PDE10A: variants seen among roughly 807,000 people sequenced by gnomAD.
PDE10A encodes cAMP and cAMP-inhibited cGMP 3',5'-cyclic phosphodiesterase 10A.
PDE10A carries 39 observed loss-of-function variants against 97.7 expected under a neutral mutation model. The observed-to-expected ratio is 0.40, with a 90% CI of 0.31 to 0.52. The LOEUF (loss-of-function observed/expected upper bound fraction) is 0.52, where lower values mean the gene tolerates loss of function less well. PDE10A is among the 20% of genes least tolerant of loss of function. PDE10A has a pLI of 0.56. For missense variants in PDE10A, 731 were observed against 1,047.8 expected, an observed-to-expected ratio of 0.70 and a Z score of 4.17; for synonymous variants, 371 against 376.8, an observed-to-expected ratio of 0.98 and a Z score of 0.18.
At chr6:165,393,557 C>G (rs1208173211) in intron 15 of PDE10A, among the ~76,000 whole-genome samples, 1 of 151,822 alleles carries the variant, frequency 6.6e-6, no homozygotes, top group Non-Finnish European at 1.5e-5. Flanking sequence ...CTGTGTTTTT[C>G]TCCACTGAAA....
chr6:165,752,782 T>A (rs558741979), intron 1 of PDE10A, among the ~76,000 whole-genome samples: 2 of 152,242 alleles, frequency 1.3e-5, no homozygotes, highest in East Asian at 3.9e-4. Flanking sequence ...TAGATTAGAA[T>A]CCCTAAGGGA....
rs1291720383 is a variant in PDE10A at position 165,479,738 on chromosome 6, C to CT, written c.1023+2576dup. ...TTGCTCACCATTGTATCCACAGCAC[C>CT]TTAGAACAATGCCTAAAACAGAAAT... On this transcript the variant is annotated intron_variant, in intron 3 of 21. Transcript: ENST00000539869. Among the ~76,000 whole-genome samples the CT allele has an allele frequency of 1.1e-4, 17 of 152,104 alleles. 1 individual carries two copies. The highest frequency in any genetic ancestry group is 1.1e-3 in the Admixed American group (17 of 15,260).
At chr6:165,841,813 T>C (rs1780269144) in intron 1 of PDE10A, among the ~76,000 whole-genome samples, 1 of 152,226 alleles carries the variant, frequency 6.6e-6, no homozygotes. Context: ...GACTGCTCTC[T>C]AGCTTCTCTG....
intron 1 of PDE10A, among the ~76,000 whole-genome samples, chr6:165,668,333 G>C (rs1246665001): frequency 6.6e-6 from 1 of 152,134 alleles, no homozygotes. Context: ...TACAAGTCTC[G>C]CAAGGGCTGC....
chr6:165,607,686 A>G (rs752532682), intron 1 of PDE10A, among the ~76,000 whole-genome samples: 2 of 152,234 alleles, frequency 1.3e-5, no homozygotes, highest in Non-Finnish European at 2.9e-5. Flanking sequence ...TGCAGCGTGA[A>G]TAGAGTTTCA....
At chr6:165,841,707 C>T (rs1780266730) in intron 1 of PDE10A, among the ~76,000 whole-genome samples, 1 of 152,204 alleles carries the variant, frequency 6.6e-6, no homozygotes, top group Non-Finnish European at 1.5e-5. Context: ...GGGAGAAGTC[C>T]ACTGTGACAG....
chr6:165,428,768 A>G, intron 9 of PDE10A, 59 bp from the exon 10 acceptor site: 1 of 632,724 alleles, frequency 1.6e-6, no homozygotes, highest in South Asian at 2.1e-5. Flanking sequence ...TACATATTAC[A>G]CTTTGAATTC....
At chr6:165,443,395 G>T (rs1244307077) in intron 5 of PDE10A, among the ~76,000 whole-genome samples, 1 of 152,182 alleles carries the variant, frequency 6.6e-6, no homozygotes, top group African/African-American at 2.4e-5. Flanking sequence ...CTGATGCAAG[G>T]GGTGGGCTCC....
chr6:165,376,160 G>A (rs1194314176), intron 18 of PDE10A, among the ~76,000 whole-genome samples: 1 of 152,208 alleles, frequency 6.6e-6, no homozygotes, highest in Non-Finnish European at 1.5e-5. Flanking sequence ...TGTGGGAAAG[G>A]TGAATTGAAA....
intron 1 of PDE10A, among the ~76,000 whole-genome samples, chr6:165,928,831 C>T (rs941144952): frequency 6.6e-6 from 1 of 152,262 alleles, no homozygotes; most frequent in Admixed American, 6.5e-5. Context: ...TGCTCAGCCC[C>T]GACTCCACTG....
At chr6:165,619,314 CTAGTGTGGTGTAGTG>C (rs1787923009) in intron 1 of PDE10A, among the ~76,000 whole-genome samples, 2 of 130,166 alleles carry the variant, frequency 1.5e-5, no homozygotes, top group Non-Finnish European at 3.1e-5. Flanking sequence ...GTAGTGTAGT[CTAGTGTGGTGTAGTG>C]TAGTGTAGTG....
At chr6:165,949,486 G>C (rs1488912389) in intron 1 of PDE10A, 1 of 151,476 alleles carries the variant, frequency 6.6e-6, no homozygotes, top group Non-Finnish European at 1.5e-5. Context: ...CAACACATCG[G>C]ATGATGACTG....
At chr6:165,831,055 T>G (rs1414822605) in intron 1 of PDE10A, among the ~76,000 whole-genome samples, 3 of 152,044 alleles carry the variant, frequency 2.0e-5, no homozygotes, top group Non-Finnish European at 4.4e-5. Flanking sequence ...AACAGAGTCC[T>G]CTCCCTCAAC....
At chr6:165,744,424 T>C (rs1331620361) in intron 1 of PDE10A, among the ~76,000 whole-genome samples, 1 of 152,202 alleles carries the variant, frequency 6.6e-6, no homozygotes, top group African/African-American at 2.4e-5. Context: ...ATACCTTTCA[T>C]GTTTAATTCT....
rs1268145518 is a variant in PDE10A at position 165,772,870 on chromosome 6, C to G, written c.-615+214659G>C. 2.0e-5 allele frequency among the ~76,000 whole-genome samples: 3 copies of G among 152,186 alleles called. No homozygotes were observed. In the East Asian group the frequency reaches 5.8e-4, roughly 29 times the overall value. ...GGAAATGGACTAACAGCCTCCACTC[C>G]CTGCAAAATGCAGAGACTCCTGGCT... On this transcript the variant is annotated intron_variant, in intron 1 of 19. Coordinates refer to the PDE10A transcript ENST00000366882.
chr6:165,573,806 A>G (rs906282035), intron 1 of PDE10A, among the ~76,000 whole-genome samples: 6 of 152,312 alleles, frequency 3.9e-5, no homozygotes, highest in African/African-American at 1.4e-4. Context: ...TCAAACAAAG[A>G]GTCTTTTCCC....
At chr6:165,622,354 T>C (rs1199473036) in intron 1 of PDE10A, among the ~76,000 whole-genome samples, 1 of 152,078 alleles carries the variant, frequency 6.6e-6, no homozygotes, top group African/African-American at 2.4e-5. Flanking sequence ...GCTAGTTGGT[T>C]TCATTGTTGT....
chr6:165,793,123 C>G (rs1399861098), intron 1 of PDE10A, among the ~76,000 whole-genome samples: 1 of 152,128 alleles, frequency 6.6e-6, no homozygotes, highest in Non-Finnish European at 1.5e-5. Flanking sequence ...AAGACTGTCT[C>G]AGGCCAAGCA....
rs1427461734 is a variant in PDE10A, at chr6:165,661,156, T to A, written c.865+791A>T. The A allele has an allele frequency of 1.3e-5, 2 of 152,550 alleles. No individual in the cohort carries two copies. The highest frequency in any genetic ancestry group is 4.8e-5 in the African/African-American group (2 of 41,424). 9.4% of individuals were successfully genotyped at this position (152,550 alleles called of 1,614,324 possible). A position where few individuals can be genotyped will look rare whatever the true frequency, so the allele number is the denominator to read the frequency against. ...GCGCTCTCGGCCCCGCGCCCGCGGG[T>A]GGCGAGGAGGAGTGGCCACGCCACA... On this transcript the variant is annotated intron_variant, in intron 1 of 21. Coordinates refer to ENST00000539869, the MANE Select transcript of PDE10A (RefSeq NM_001385079.1). This position sits in a 1 kb window ranked among gnomAD's most constrained non-coding sequence, Gnocchi z 4.8.
Sources: allele counts gnomAD v4.1 joint callset (sites outside exome capture counted in the v4.1 genomes callset), GRCh38; gene constraint gnomAD v4.1.1; non-coding constraint Gnocchi (gnomAD v3.1); transcripts MANE v1.5; gene names NCBI Gene and HGNC (gene_info 2026-07-23, HGNC 2026-07-21).